Variants in FMN2 observed in about 807,000 individuals in gnomAD.
FMN2 encodes the protein formin 2.
In FMN2, 51 loss-of-function variants were observed where a neutral mutation model predicts 142.3. The observed-to-expected ratio is 0.36, with a 90% CI of 0.29 to 0.45. The LOEUF is 0.45. FMN2 is among the 20% of genes least tolerant of loss of function. The probability of loss-of-function intolerance (pLI) is 1.00; values close to 1 mark genes in which losing one functional copy is unlikely to be tolerated. For missense variants in FMN2, 1,936 were observed against 2,122.8 expected, an observed-to-expected ratio of 0.91 and a Z score of 1.73; for synonymous variants, 882 against 869.8, an observed-to-expected ratio of 1.01 and a Z score of -0.25.
At chr1:240,426,265 G>T (rs1347699223) in intron 15 of FMN2, among the ~76,000 whole-genome samples, 2 of 151,590 alleles carry the variant, frequency 1.3e-5, no homozygotes, top group South Asian at 4.2e-4. Context: ...AAGTTGAAAA[G>T]AATATAAAAT....
At chr1:240,398,930 G>A (rs149429409) in intron 15 of FMN2, among the ~76,000 whole-genome samples, 3 of 152,220 alleles carry the variant, frequency 2.0e-5, no homozygotes, top group African/African-American at 7.2e-5. Context: ...TTAGAAACCA[G>A]AGTCAGATTT....
intron 2 of FMN2, chr1:240,171,130 G>A (rs2103310557): frequency 3.8e-6 from 5 of 1,310,888 alleles, no homozygotes; most frequent in East Asian, 2.3e-5. Flanking sequence ...TGCCTTTGGA[G>A]GGTGAAAGAG....
intron 8 of FMN2, among the ~76,000 whole-genome samples, chr1:240,295,222 A>T (rs10926200): frequency 0.2 from 29,667 of 147,530 alleles, 3,147 homozygotes; most frequent in Admixed American, 0.33. Flanking sequence ...ACACACACAC[A>T]CACTCACACA....
chr1:240,170,696 T>C (rs1664664698), intron 2 of FMN2: 2 of 1,561,704 alleles, frequency 1.3e-6, no homozygotes, highest in East Asian at 4.5e-5. Context: ...GGTTGTGGCA[T>C]TTCAGCTGGT....
chr1:240,290,255 A>G (rs1344939131), intron 7 of FMN2, among the ~76,000 whole-genome samples: 1 of 152,188 alleles, frequency 6.6e-6, no homozygotes, highest in Middle Eastern at 3.2e-3. Context: ...TGACGATTGG[A>G]CTTCCAAAAC....
At chr1:240,400,247 T>A (rs1032311005) in intron 15 of FMN2, among the ~76,000 whole-genome samples, 1 of 151,736 alleles carries the variant, frequency 6.6e-6, no homozygotes, top group African/African-American at 2.4e-5. Context: ...GATCAGGAGG[T>A]CAGGCTGACG....
chr1:240,145,123 A>G, intron 2 of FMN2: 1 of 1,484,370 alleles, frequency 6.7e-7, no homozygotes, highest in Non-Finnish European at 9.4e-7. Context: ...AAGTTGTAGA[A>G]GAACGAATCT....
intron 1 of FMN2, among the ~76,000 whole-genome samples, chr1:240,098,048 A>G (rs1166195872): frequency 2.0e-5 from 3 of 149,946 alleles, no homozygotes; most frequent in Non-Finnish European, 2.9e-5. Flanking sequence ...TAGGCTCTAG[A>G]ACTTGGATTG....
chr1:240,130,456 C>T (rs1264470174), intron 2 of FMN2, among the ~76,000 whole-genome samples: 1 of 152,176 alleles, frequency 6.6e-6, no homozygotes, highest in African/African-American at 2.4e-5. Flanking sequence ...GTGGATGCTA[C>T]CACGCCCGGC....
intron 1 of FMN2, among the ~76,000 whole-genome samples, chr1:240,101,480 GAC>G (rs1661409402): frequency 6.6e-6 from 1 of 151,978 alleles, no homozygotes; most frequent in Non-Finnish European, 1.5e-5. Context: ...GTCATTATCT[GAC>G]AATAGGACCG....
intron 3 of FMN2, among the ~76,000 whole-genome samples, chr1:240,186,434 C>T (rs1167922098): frequency 2.0e-5 from 3 of 152,252 alleles, no homozygotes; most frequent in Admixed American, 1.3e-4. Flanking sequence ...AGTTTATGTT[C>T]TAGTGGAATA....
At chr1:240,316,162 A>C (rs1484932779) in intron 8 of FMN2, among the ~76,000 whole-genome samples, 1 of 152,236 alleles carries the variant, frequency 6.6e-6, no homozygotes, top group African/African-American at 2.4e-5. Context: ...GACAAACATG[A>C]AACCAAATAA....
At chr1:240,297,594 C>CAAAA (rs57504077) in intron 8 of FMN2, among the ~76,000 whole-genome samples, 35 of 88,746 alleles carry the variant, frequency 3.9e-4, no homozygotes, top group East Asian at 1.3e-3. Context: ...GACTCCATCT[C>CAAAA]AAAAAAAAAA....
intron 4 of FMN2, among the ~76,000 whole-genome samples, chr1:240,199,741 AAAT>A (rs1666057745): frequency 6.6e-6 from 1 of 152,052 alleles, no homozygotes; most frequent in Admixed American, 6.5e-5. Flanking sequence ...TTTAAAGTAC[AAAT>A]AATCTCAAAA....
intron 8 of FMN2, among the ~76,000 whole-genome samples, chr1:240,325,202 A>AT (rs1241533345): frequency 6.6e-6 from 1 of 152,042 alleles, no homozygotes; most frequent in Non-Finnish European, 1.5e-5. Flanking sequence ...TACAAAAAAA[A>AT]CAAAACTTAG....
At chr1:240,144,435 C>CAT in intron 2 of FMN2, 1 of 1,599,390 alleles carries the variant, frequency 6.3e-7, no homozygotes, top group Non-Finnish European at 8.6e-7. Context: ...GTCAGGTGCT[C>CAT]ATACTCCTTG....
At chr1:240,282,060 C>T (rs892000857) in intron 7 of FMN2, among the ~76,000 whole-genome samples, 2 of 152,162 alleles carry the variant, frequency 1.3e-5, no homozygotes, top group South Asian at 4.2e-4. Flanking sequence ...AGACATTGAC[C>T]GAAAACTGAA....
In FMN2 at chr1:240,287,197, A is replaced by G. The variant is rs77228995; in HGVS notation, c.4154-7625A>G. ...AATGACATGCTCCCTGCAGTTCCTC[A>G]GAGAGATCTCTTACAAAATGTAGTT... On this transcript the variant is annotated intron_variant, in intron 7 of 17. Coordinates refer to ENST00000319653, the MANE Select transcript of FMN2 (RefSeq NM_020066.5). Among the ~76,000 whole-genome samples the G allele has an allele frequency of 3.6e-3, 548 of 152,316 alleles. 4 individuals carry two copies. Among genetic ancestry groups the G allele is most frequent in the African/African-American group, 0.013 (529 of 41,562 alleles).
At chr1:240,144,836 T>C in intron 2 of FMN2, 4 of 1,448,934 alleles carry the variant, frequency 2.8e-6, no homozygotes. Flanking sequence ...TGGCTCCTGC[T>C]GGACCTTCTT....
Sources: allele counts gnomAD v4.1 joint callset (sites outside exome capture counted in the v4.1 genomes callset), GRCh38; gene constraint gnomAD v4.1.1; transcripts MANE v1.5; gene names NCBI Gene and HGNC (gene_info 2026-07-23, HGNC 2026-07-21).